The following THNSL1 variants were observed in gnomAD, a reference collection of about 807,000 sequenced individuals.
THNSL1 encodes threonine synthase-like 1.
In THNSL1, 48 loss-of-function variants were observed where a neutral mutation model predicts 50.4. That is an observed-to-expected ratio of 0.95 (90% confidence interval 0.76 to 1.21). THNSL1 has a LOEUF of 1.21. Ranked by LOEUF, THNSL1 falls within the 50% of genes most tolerant of loss-of-function variation. The pLI is 0.00. For synonymous variants in THNSL1, 309 were observed against 306.1 expected, an observed-to-expected ratio of 1.01 and a Z score of -0.10; for missense variants, 896 against 871.7, an observed-to-expected ratio of 1.03 and a Z score of -0.35.
the THNSL1 span, among the ~76,000 whole-genome samples, chr10:24,996,072 A>C: frequency 6.6e-6 from 1 of 152,230 alleles, no homozygotes; most frequent in African/African-American, 2.4e-5. Context: ...CCTGTCAATC[A>C]GGCCTCAATA....
chr10:24,968,163 C>CTAT, the THNSL1 span, among the ~76,000 whole-genome samples: 2 of 152,086 alleles, frequency 1.3e-5, no homozygotes, highest in Non-Finnish European at 2.9e-5. Flanking sequence ...AGAGCTTGGG[C>CTAT]TATCATTCCT....
At chr10:24,992,206 G>A in the THNSL1 span, among the ~76,000 whole-genome samples, 16 of 152,170 alleles carry the variant, frequency 1.1e-4, no homozygotes, top group South Asian at 2.1e-4. Flanking sequence ...CAAAGTTTCC[G>A]TCTTCAGGGA....
chr10:24,953,768 T>A, the THNSL1 span, among the ~76,000 whole-genome samples: 1 of 152,316 alleles, frequency 6.6e-6, no homozygotes, highest in South Asian at 2.1e-4. Flanking sequence ...GGGAGAGGAA[T>A]GCTGATTTTG....
At chr10:25,014,892 T>C (rs1261418267), upstream of THNSL1, among the ~76,000 whole-genome samples, 1 of 152,298 alleles carries the variant, frequency 6.6e-6, no homozygotes, top group East Asian at 1.9e-4. Flanking sequence ...TAATTGACCA[T>C]TAGATCTAAA....
At chr10:25,002,723 CATT>C in the THNSL1 span, among the ~76,000 whole-genome samples, 1 of 152,098 alleles carries the variant, frequency 6.6e-6, no homozygotes, top group Non-Finnish European at 1.5e-5. Context: ...TTTGAAGAAA[CATT>C]ATTGTTTTTT....
chr10:25,010,831 G>A, the THNSL1 span, among the ~76,000 whole-genome samples: 4 of 147,880 alleles, frequency 2.7e-5, no homozygotes, highest in Admixed American at 6.8e-5. Context: ...CATTTTCTTA[G>A]TCCAGTCTAT....
upstream of THNSL1, among the ~76,000 whole-genome samples, chr10:25,013,969 G>C (rs1422089866): frequency 6.6e-6 from 1 of 151,828 alleles, no homozygotes; most frequent in African/African-American, 2.4e-5. Flanking sequence ...AAAAAAAAAG[G>C]GTGACAGATT....
At chr10:24,979,235 A>G in the THNSL1 span, among the ~76,000 whole-genome samples, 1 of 152,200 alleles carries the variant, frequency 6.6e-6, no homozygotes, top group Non-Finnish European at 1.5e-5. Context: ...TTCAAACTGT[A>G]TTACTGTGGA....
the THNSL1 span, among the ~76,000 whole-genome samples, chr10:24,974,146 G>C: frequency 6.6e-6 from 1 of 152,122 alleles, no homozygotes; most frequent in African/African-American, 2.4e-5. Context: ...AGTTCAATGA[G>C]ATGAGAATGG....
At position 25,023,317 on chromosome 10, in the gene THNSL1, TTTC is replaced by T. The variant is rs775961384; in HGVS notation, c.97_99del (p.Leu33del). On this transcript the variant is annotated inframe_deletion, in exon 3 of 3. Transcript: ENST00000376356. ...TAAAACGGATAAACATGCACAGCGATTTCTTTCAAGAACCTTTGCACTTGCGGA... is the reference window on the plus strand; with the variant it reads ...TAAAACGGATAAACATGCACAGCGATTTTCAAGAACCTTTGCACTTGCGGA... The T allele has an allele frequency of 6.2e-7, 1 of 1,614,156 alleles. No homozygotes were observed. Among genetic ancestry groups the T allele is most frequent in the Admixed American group, 1.7e-5 (1 of 60,018 alleles).
rs748449768 is a variant in THNSL1, at chr10:25,024,944, G to A, written c.1721G>A (p.Arg574Gln). Residue 574 changes from arginine to glutamine, a missense_variant, in exon 3 of 3, where the codon CGA becomes CAA. By Grantham distance (43) the Arg-to-Gln change is conservative. Transcript: ENST00000376356. ...IDILKSSNLE[R>Q]HLHLMANKDG... ...ATTCTCAAATCTTCAAACCTAGAAC[G>A]ACATTTACACTTGATGGCTAATAAA... 2 of 1,613,956 alleles carry A rather than the reference G, an allele frequency of 1.2e-6. No individual in the cohort carries two copies. The highest frequency in any genetic ancestry group is 2.2e-5 in the East Asian group (1 of 44,882).
the THNSL1 span, among the ~76,000 whole-genome samples, chr10:24,954,754 T>C: frequency 0.081 from 12,346 of 152,218 alleles, 1,382 homozygotes; most frequent in African/African-American, 0.26. Context: ...TTGTATATTT[T>C]GATAATACTT....
chr10:24,998,144 CT>C, the THNSL1 span, among the ~76,000 whole-genome samples: 1 of 152,134 alleles, frequency 6.6e-6, no homozygotes, highest in Non-Finnish European at 1.5e-5. Context: ...ACATTAAATA[CT>C]GCCATAAAGA....
chr10:24,980,112 G>C, the THNSL1 span, among the ~76,000 whole-genome samples: 2 of 152,120 alleles, frequency 1.3e-5, no homozygotes, highest in Non-Finnish European at 2.9e-5. Flanking sequence ...TTCCACTTCA[G>C]TCCACGTAGC....
chr10:24,965,441 A>T, the THNSL1 span, among the ~76,000 whole-genome samples: 13 of 152,326 alleles, frequency 8.5e-5, no homozygotes, highest in Non-Finnish European at 1.8e-4. Flanking sequence ...AAGAGAGATT[A>T]TGCAAACCTC....
the THNSL1 span, among the ~76,000 whole-genome samples, chr10:24,971,877 A>G: frequency 6.6e-6 from 1 of 152,306 alleles, no homozygotes; most frequent in Admixed American, 6.5e-5. Context: ...GGCTCTGTGC[A>G]TGTTAGGTTT....
the THNSL1 span, among the ~76,000 whole-genome samples, chr10:24,980,591 A>G: frequency 1.3e-5 from 2 of 152,168 alleles, no homozygotes; most frequent in Non-Finnish European, 2.9e-5. Context: ...TTCTTGGCAC[A>G]TGGCAGATAG....
the THNSL1 span, among the ~76,000 whole-genome samples, chr10:25,008,283 G>C: frequency 6.6e-6 from 1 of 152,102 alleles, no homozygotes; most frequent in Non-Finnish European, 1.5e-5. Context: ...GACTTTCTTT[G>C]AATATAAGTT....
chr10:25,005,039 T>C, the THNSL1 span, among the ~76,000 whole-genome samples: 1 of 152,184 alleles, frequency 6.6e-6, no homozygotes, highest in East Asian at 1.9e-4. Flanking sequence ...TGCTTGTGTT[T>C]GTCGGGTTTG....
Sources: allele counts gnomAD v4.1 joint callset (sites outside exome capture counted in the v4.1 genomes callset), GRCh38; gene constraint gnomAD v4.1.1; transcripts MANE v1.5; gene names NCBI Gene and HGNC (gene_info 2026-07-23, HGNC 2026-07-21).